Variants in SPAG17 observed in about 807,000 individuals in gnomAD.
SPAG17 encodes sperm-associated antigen 17.
A neutral mutation model predicts 273.6 loss-of-function variants in SPAG17; 169 were observed. The observed-to-expected ratio is 0.62, with a 90% CI of 0.55 to 0.70. The LOEUF (loss-of-function observed/expected upper bound fraction) is 0.70, where lower values mean the gene tolerates loss of function less well. Among genes scored for constraint, SPAG17 ranks in the 30% least tolerant of loss-of-function variants. The pLI is 0.00. For synonymous variants in SPAG17, 825 were observed against 873.2 expected, an observed-to-expected ratio of 0.94 and a Z score of 0.97; for missense variants, 2,557 against 2,627.8, an observed-to-expected ratio of 0.97 and a Z score of 0.59.
Position 118,034,815 on chromosome 1 carries a change from T to C in SPAG17, c.3433+1955A>G, listed in dbSNP as rs149959406. On this transcript the variant is annotated intron_variant, in intron 24 of 48. Coordinates refer to ENST00000336338, the MANE Select transcript of SPAG17 (RefSeq NM_206996.4). Reference sequence around the variant, plus strand: ...TGTAAAACATAAGTTGGGGCCTGATTAAGATTAAGATTAAGATTCTTAATT... The same window carrying C: ...TGTAAAACATAAGTTGGGGCCTGATCAAGATTAAGATTAAGATTCTTAATT... Among the ~76,000 whole-genome samples the C allele has an allele frequency of 4.2e-3, 637 of 152,284 alleles. 7 individuals are homozygous for C. The highest frequency in any genetic ancestry group is 5.7e-3 in the Non-Finnish European group (390 of 68,022).
chr1:118,098,819 G>A (rs1229605384), intron 6 of SPAG17, among the ~76,000 whole-genome samples: 1 of 152,100 alleles, frequency 6.6e-6, no homozygotes, highest in Non-Finnish European at 1.5e-5. Flanking sequence ...GTATTATCAA[G>A]GGTAGCTATT....
chr1:118,116,828 A>T (rs1657108514), intron 3 of SPAG17, among the ~76,000 whole-genome samples: 1 of 152,236 alleles, frequency 6.6e-6, no homozygotes, highest in South Asian at 2.1e-4. Context: ...AATCCCTGCA[A>T]GGACTCTAGG....
chr1:118,018,709 C>T (rs1228235367), intron 28 of SPAG17, among the ~76,000 whole-genome samples: 1 of 151,744 alleles, frequency 6.6e-6, no homozygotes, highest in Non-Finnish European at 1.5e-5. Flanking sequence ...TGGTGCATGC[C>T]TGTTGCATGG....
intron 30 of SPAG17, among the ~76,000 whole-genome samples, chr1:118,009,933 G>C (rs1659300585): frequency 6.6e-6 from 1 of 151,980 alleles, no homozygotes; most frequent in Non-Finnish European, 1.5e-5. Flanking sequence ...AAAGAAATCT[G>C]TCATTTGCAA....
intron 18 of SPAG17, among the ~76,000 whole-genome samples, chr1:118,062,513 G>C (rs186966465): frequency 2.0e-5 from 3 of 151,516 alleles, no homozygotes; most frequent in East Asian, 3.9e-4. Context: ...AAAACAAATA[G>C]TAGTCCTAGA....
At chr1:118,040,002 TGTTA>T (rs1649549587) in intron 22 of SPAG17, among the ~76,000 whole-genome samples, 1 of 152,152 alleles carries the variant, frequency 6.6e-6, no homozygotes, top group African/African-American at 2.4e-5. Context: ...CTATAATCAA[TGTTA>T]TGATTCATCA....
intron 3 of SPAG17, among the ~76,000 whole-genome samples, chr1:118,146,919 C>T (rs564522029): frequency 5.3e-5 from 8 of 152,268 alleles, no homozygotes; most frequent in Admixed American, 3.3e-4. Context: ...CCTTTCCTTT[C>T]AAATGGCAAT....
chr1:118,125,794 T>C (rs1326393552), intron 3 of SPAG17, among the ~76,000 whole-genome samples: 1 of 152,222 alleles, frequency 6.6e-6, no homozygotes, highest in Admixed American at 6.5e-5. Context: ...ACAGATTGAT[T>C]CCATATCTTG....
At chr1:118,147,071 C>T (rs1055704986) in intron 3 of SPAG17, among the ~76,000 whole-genome samples, 5 of 152,164 alleles carry the variant, frequency 3.3e-5, no homozygotes, top group African/African-American at 1.2e-4. Flanking sequence ...TATTCACTTA[C>T]GCAGCAACTA....
intron 27 of SPAG17, among the ~76,000 whole-genome samples, chr1:118,024,187 T>C (rs1373661335): frequency 6.6e-6 from 1 of 152,140 alleles, no homozygotes; most frequent in Non-Finnish European, 1.5e-5. Flanking sequence ...TGCAAACTTC[T>C]TATGTTATGT....
intron 20 of SPAG17, among the ~76,000 whole-genome samples, chr1:118,049,811 C>A (rs1004439277): frequency 6.6e-6 from 1 of 152,188 alleles, no homozygotes; most frequent in African/African-American, 2.4e-5. Context: ...CCCCCCATCA[C>A]ACACAGCAGG....
chr1:118,150,918 C>T (rs1659340601), intron 2 of SPAG17, among the ~76,000 whole-genome samples: 1 of 152,146 alleles, frequency 6.6e-6, no homozygotes, highest in Admixed American at 6.5e-5. Context: ...TCCCTGGAAT[C>T]TTAAATAGTC....
intron 1 of SPAG17, among the ~76,000 whole-genome samples, chr1:118,170,896 A>G (rs1302788449): frequency 2.6e-5 from 4 of 152,214 alleles, no homozygotes; most frequent in Non-Finnish European, 5.9e-5. Context: ...GACTAGAAAG[A>G]GCAGAAGCAG....
chr1:118,015,138 A>T (rs1438213743), intron 29 of SPAG17, among the ~76,000 whole-genome samples: 1 of 151,560 alleles, frequency 6.6e-6, no homozygotes, highest in African/African-American at 2.4e-5. Flanking sequence ...TACAAAAATT[A>T]GCCGGGCGTG....
At chr1:118,027,071 A>G (rs931589599) in intron 26 of SPAG17, among the ~76,000 whole-genome samples, 4 of 152,236 alleles carry the variant, frequency 2.6e-5, no homozygotes, top group Non-Finnish European at 4.4e-5. Flanking sequence ...GTTTGATAAC[A>G]GGATCAAACA....
At chr1:118,066,052 T>C (rs1386809061) in intron 18 of SPAG17, among the ~76,000 whole-genome samples, 1 of 152,156 alleles carries the variant, frequency 6.6e-6, no homozygotes, top group Non-Finnish European at 1.5e-5. Flanking sequence ...TTTAAAGTCA[T>C]TTTATGACTT....
At chr1:117,988,075 T>G in intron 39 of SPAG17, 30 bp downstream of exon 39, 1 of 1,554,778 alleles carries the variant, frequency 6.4e-7, no homozygotes, top group South Asian at 1.2e-5. Context: ...TACCTAATAC[T>G]AATTAGAACA....
intron 3 of SPAG17, among the ~76,000 whole-genome samples, chr1:118,130,187 A>C (rs1657980240): frequency 6.6e-6 from 1 of 152,070 alleles, no homozygotes; most frequent in Non-Finnish European, 1.5e-5. Flanking sequence ...ACTACTGGGA[A>C]AGCCCTTAAT....
intron 28 of SPAG17, among the ~76,000 whole-genome samples, chr1:118,017,842 A>G (rs1289645181): frequency 6.6e-6 from 1 of 152,204 alleles, no homozygotes; most frequent in African/African-American, 2.4e-5. Flanking sequence ...TCCATTAAGT[A>G]TATGGGTCAA....
Sources: gnomAD v4.1 joint callset for allele counts (sites outside exome capture counted in the v4.1 genomes callset) on GRCh38, gnomAD v4.1.1 for gene constraint, MANE v1.5 for transcripts, NCBI Gene and HGNC (gene_info 2026-07-23, HGNC 2026-07-21) for gene names.